FOXP4: variants seen among roughly 807,000 people sequenced by gnomAD.
FOXP4 encodes the protein forkhead box P4.
A neutral mutation model predicts 82.6 loss-of-function variants in FOXP4; 25 were observed. The observed-to-expected ratio is 0.30, with a 90% CI of 0.22 to 0.42. The LOEUF is 0.42. FOXP4 is among the 10% of genes least tolerant of loss of function. The pLI is 1.00. For missense variants in FOXP4, 785 were observed against 900.9 expected (o/e 0.87, Z 1.65); for synonymous variants, 415 against 388.2 (o/e 1.07, Z -0.81).
At chr6:41,592,251 CCCACCAGCGCCCAGGACT>C (rs1766564930) in intron 13 of FOXP4, among the ~76,000 whole-genome samples, 1 of 152,208 alleles carries the variant, frequency 6.6e-6, no homozygotes, top group South Asian at 2.1e-4. Context: ...ACCCCTCCTC[CCCACCAGCGCCCAGGACT>C]TGGTGGGGTC....
At chr6:41,556,044 G>A (rs1764256893) in intron 1 of FOXP4, among the ~76,000 whole-genome samples, 1 of 152,118 alleles carries the variant, frequency 6.6e-6, no homozygotes, top group East Asian at 1.9e-4. Flanking sequence ...TTTCAGGGAT[G>A]GAGCCAGTAA....
intron 1 of FOXP4, among the ~76,000 whole-genome samples, chr6:41,550,456 T>C (rs1458100051): frequency 2.0e-5 from 3 of 152,222 alleles, no homozygotes; most frequent in Non-Finnish European, 4.4e-5. Context: ...CTTCATTTTA[T>C]GGGTTGGGAA....
chr6:41,570,018 G>C (rs540591506), intron 2 of FOXP4, among the ~76,000 whole-genome samples: 3 of 151,704 alleles, frequency 2.0e-5, no homozygotes, highest in Non-Finnish European at 4.4e-5. Context: ...AAGCTACTTA[G>C]AGGGATGACA....
At chr6:41,554,696 C>T (rs549590790) in intron 1 of FOXP4, among the ~76,000 whole-genome samples, 1 of 152,126 alleles carries the variant, frequency 6.6e-6, no homozygotes, top group Admixed American at 6.5e-5. Context: ...CCCATCTCTA[C>T]TAAAAATACA....
Position 41,587,151 on chromosome 6 carries a change from C to A in FOXP4, c.653C>A (p.Pro218Gln), listed in dbSNP as rs1422862606. ...GCCTCGGGGCCCCTCCAGACCCTTC[C>A]GCAAGGTGAGCACCCGCCACTCCTC... The part of the protein sequence containing the change: ...NQASGPLQTL[P>Q]QAAVCPTDLP... Residue 218 changes from proline (P) to glutamine (Q), a missense_variant, in exon 6 of 17, where the codon CCG (proline) becomes CAG (glutamine). By Grantham distance (76) the Pro-to-Gln change is moderately conservative. Transcript: ENST00000307972. 5.0e-6 allele frequency: 8 copies of A among 1,597,538 alleles called. No individual in the cohort carries two copies. The highest frequency in any genetic ancestry group is 6.0e-6 in the Non-Finnish European group (7 of 1,173,312).
At chr6:41,555,611 C>T (rs952925370) in intron 1 of FOXP4, among the ~76,000 whole-genome samples, 1 of 152,190 alleles carries the variant, frequency 6.6e-6, no homozygotes, top group Non-Finnish European at 1.5e-5. Flanking sequence ...AGGCCCTGGG[C>T]GAATTGCCCC....
chr6:41,548,184 C>T (rs1050223407), intron 1 of FOXP4, among the ~76,000 whole-genome samples: 2 of 152,194 alleles, frequency 1.3e-5, no homozygotes, highest in Admixed American at 6.5e-5. Context: ...GCTCACTCGG[C>T]GCCTGGCGTT....
rs193116273 is a variant in FOXP4 at position 41,549,360 on chromosome 6, C to G, written c.-17+2493C>G. Among the ~76,000 whole-genome samples, 1,329 of 152,254 alleles carry G rather than the reference C, an allele frequency of 8.7e-3. 13 individuals are homozygous for G. The highest frequency in any genetic ancestry group is 0.011 in the Non-Finnish European group (771 of 68,008). On this transcript the variant is annotated intron_variant, in intron 1 of 16. Coordinates refer to ENST00000307972, the MANE Select transcript of FOXP4 (RefSeq NM_001012426.2). Reference sequence around the variant, plus strand: ...GAGCATTTGCAAAGGGTCCCACTTGCAAAGGGACCTGCTCCTGTCCCTTTC... The same window carrying G: ...GAGCATTTGCAAAGGGTCCCACTTGGAAAGGGACCTGCTCCTGTCCCTTTC...
At chr6:41,555,205 C>T (rs1291616238) in intron 1 of FOXP4, among the ~76,000 whole-genome samples, 3 of 130,400 alleles carry the variant, frequency 2.3e-5, no homozygotes, top group Admixed American at 7.3e-5. Context: ...GCCGAGATCG[C>T]GCTACTGCAC....
chr6:41,588,539 C>A, intron 8 of FOXP4, 105 bp from the exon 9 acceptor site: 1 of 1,089,732 alleles, frequency 9.2e-7, no homozygotes, highest in Non-Finnish European at 1.4e-6. Context: ...ATCTCTTGGT[C>A]TGTCTGCTTT....
intron 14 of FOXP4, among the ~76,000 whole-genome samples, chr6:41,596,428 G>A (rs1343924324): frequency 3.3e-5 from 5 of 152,204 alleles, no homozygotes; most frequent in African/African-American, 9.7e-5. Context: ...TGCTTACCAG[G>A]CAGGAGCCTT....
At chr6:41,589,592 T>C (rs1227903163) in intron 9 of FOXP4, among the ~76,000 whole-genome samples, 179 bp from the exon 10 acceptor site, 5 of 151,868 alleles carry the variant, frequency 3.3e-5, no homozygotes, top group African/African-American at 9.7e-5. Context: ...CCTTGAGGGG[T>C]AGAGCATTGC....
chr6:41,592,399 T>C (rs1267365147), intron 13 of FOXP4, among the ~76,000 whole-genome samples: 1 of 152,182 alleles, frequency 6.6e-6, no homozygotes, highest in Non-Finnish European at 1.5e-5. Flanking sequence ...GCTGGGAGGC[T>C]GTTGGGACAG....
At chr6:41,565,532 A>G (rs746568978) in intron 1 of FOXP4, among the ~76,000 whole-genome samples, 2 of 152,120 alleles carry the variant, frequency 1.3e-5, no homozygotes, top group Non-Finnish European at 2.9e-5. Flanking sequence ...AGTCAAGAAA[A>G]CATGGTTGGG....
intron 14 of FOXP4, among the ~76,000 whole-genome samples, chr6:41,596,780 C>G (rs1352414606): frequency 2.0e-5 from 3 of 152,076 alleles, no homozygotes; most frequent in Non-Finnish European, 4.4e-5. Flanking sequence ...TGTGGGCAGA[C>G]CAGGTGTGTA....
In FOXP4 at chr6:41,597,883, GC is replaced by G; in HGVS notation, c.1833del (p.Val612TrpfsTer26). 1 of 1,592,892 alleles carries G rather than the reference GC, an allele frequency of 6.3e-7. No homozygotes were observed. Among genetic ancestry groups the G allele is most frequent in the Non-Finnish European group, 8.5e-7 (1 of 1,174,686 alleles). On this transcript the variant is annotated frameshift_variant, in exon 16 of 17. Transcript: ENST00000307972. LOFTEE classifies it high-confidence loss of function. ...GCCCCTCAGCCACGATGACGTGGGT[GC>G]CCCCGTGGAGCCGCTGCCCAGCAAC... ...LLPLSHDDVGAPVEPLPSNGS... is the reference protein window; with the variant it reads ...LLPLSHDDVGXPVEPLPSNGS...
chr6:41,553,826 A>G (rs890287271), intron 1 of FOXP4, among the ~76,000 whole-genome samples: 3 of 152,194 alleles, frequency 2.0e-5, no homozygotes, highest in Admixed American at 6.5e-5. Context: ...CTGATCCATT[A>G]AAACACAGGG....
At chr6:41,580,692 A>G (rs7753653) in intron 3 of FOXP4, among the ~76,000 whole-genome samples, 53,132 of 151,976 alleles carry the variant, frequency 0.35, 9,856 homozygotes, top group African/African-American at 0.47. Context: ...ATGTTCTTCT[A>G]TGAGCTCAAG....
chr6:41,586,452 A>G (rs1162930091), intron 5 of FOXP4, among the ~76,000 whole-genome samples: 1 of 152,194 alleles, frequency 6.6e-6, no homozygotes, highest in African/African-American at 2.4e-5. Context: ...CAACGAGTAC[A>G]GGGCGCCTGG....
Sources: gnomAD v4.1 joint callset for allele counts (sites outside exome capture counted in the v4.1 genomes callset) on GRCh38, gnomAD v4.1.1 for gene constraint, MANE v1.5 for transcripts, NCBI Gene and HGNC (gene_info 2026-07-23, HGNC 2026-07-21) for gene names.